Variants in PARN observed in about 807,000 individuals in gnomAD.
PARN encodes the protein poly(A)-specific ribonuclease.
Under a neutral mutation model 102.8 loss-of-function variants are expected in PARN, and 71 were observed. That is an observed-to-expected ratio of 0.69 (90% CI 0.57 to 0.84). The LOEUF is 0.84. Among genes scored for constraint, PARN ranks in the 40% least tolerant of loss-of-function variants. The pLI, the probability that PARN is intolerant of heterozygous loss-of-function variation, is 0.00. For synonymous variants in PARN, 261 were observed against 252.9 expected (o/e 1.03, Z -0.30); for missense variants, 782 against 760.9 (o/e 1.03, Z -0.33).
chr16:14,614,696 A>C (rs922422781), intron 6 of PARN, among the ~76,000 whole-genome samples: 1 of 151,900 alleles, frequency 6.6e-6, no homozygotes, highest in Admixed American at 6.6e-5. Flanking sequence ...TAAAAATACA[A>C]AATTAGCTGG....
At chr16:14,469,275 C>T (rs965821305) in intron 22 of PARN, among the ~76,000 whole-genome samples, 1 of 151,962 alleles carries the variant, frequency 6.6e-6, no homozygotes, top group Non-Finnish European at 1.5e-5. Flanking sequence ...GAGGTTGCAG[C>T]GAGCCAAGAT....
At chr16:14,552,902 C>G (rs989243162) in intron 20 of PARN, among the ~76,000 whole-genome samples, 2 of 151,818 alleles carry the variant, frequency 1.3e-5, no homozygotes, top group South Asian at 2.1e-4. Context: ...GAGCCGAGAT[C>G]GCGCCATTGC....
chr16:14,609,097 C>T lies in PARN; in HGVS notation c.581G>A (p.Ser194Asn), dbSNP rs374622245. Reference protein sequence around the residue: ...VVEKIEDLLQSEENKNLDLEP... With the variant: ...VVEKIEDLLQNEENKNLDLEP... Reference sequence around the variant, plus strand: ...TAAATCCAAGTTCTTGTTTTCTTCACTTTGTAATAAATCCTCTATTTTCTC... The same window carrying T: ...TAAATCCAAGTTCTTGTTTTCTTCATTTTGTAATAAATCCTCTATTTTCTC... Residue 194 changes from serine to asparagine, a missense_variant, in exon 8 of 24, where the codon AGT becomes AAT. By Grantham distance (46) the Ser-to-Asn change is conservative. Transcript: ENST00000437198. 13 of 1,562,958 alleles carry T rather than the reference C, an allele frequency of 8.3e-6. No homozygotes were observed. In the East Asian group the frequency reaches 9.0e-5, roughly 11 times the overall value.
At chr16:14,463,601 C>A (rs1046278419) in intron 22 of PARN, among the ~76,000 whole-genome samples, 3 of 151,994 alleles carry the variant, frequency 2.0e-5, no homozygotes, top group African/African-American at 7.3e-5. Flanking sequence ...CCAAACAGAA[C>A]TTCTAGAAAT....
chr16:14,508,739 T>TG (rs1273860636), intron 21 of PARN, among the ~76,000 whole-genome samples: 1 of 136,050 alleles, frequency 7.4e-6, no homozygotes, highest in East Asian at 1.9e-4. Flanking sequence ...TGTGGAAACT[T>TG]GAAAAAAAAA....
At chr16:14,560,972 G>A (rs1596673373) in intron 18 of PARN, among the ~76,000 whole-genome samples, 2 of 152,180 alleles carry the variant, frequency 1.3e-5, no homozygotes, top group South Asian at 4.1e-4. Flanking sequence ...CCTAGCCAAT[G>A]TGGTGAAACC....
intron 19 of PARN, among the ~76,000 whole-genome samples, chr16:14,554,776 G>C (rs1056432993): frequency 6.6e-6 from 1 of 151,460 alleles, no homozygotes; most frequent in African/African-American, 2.4e-5. Flanking sequence ...AAAAAACGCT[G>C]CTCTGTTCAT....
chr16:14,595,287 T>C (rs898461803), intron 12 of PARN, among the ~76,000 whole-genome samples: 2 of 152,106 alleles, frequency 1.3e-5, no homozygotes, highest in African/African-American at 4.8e-5. Flanking sequence ...TAAAAATAAG[T>C]CACGTGGTAT....
chr16:14,450,553 T>C (rs985324472), intron 22 of PARN, among the ~76,000 whole-genome samples: 1 of 152,182 alleles, frequency 6.6e-6, no homozygotes, highest in Non-Finnish European at 1.5e-5. Flanking sequence ...TATACGTATA[T>C]TTATGCAGGG....
intron 21 of PARN, among the ~76,000 whole-genome samples, chr16:14,509,234 T>C (rs1965062039): frequency 6.6e-6 from 1 of 152,106 alleles, no homozygotes; most frequent in African/African-American, 2.4e-5. Flanking sequence ...TTTGTTAGAC[T>C]TACTCATCAG....
chr16:14,436,582 C>T lies in PARN; in HGVS notation c.*135G>A, dbSNP rs1194393425. The T allele has an allele frequency of 2.0e-5, 13 of 646,528 alleles. No homozygotes were observed. The East Asian group carries it at 3.6e-4, about 18-fold the overall frequency. 40.0% of individuals were successfully genotyped at this position (646,528 alleles called of 1,614,324 possible). A position where few individuals can be genotyped will look rare whatever the true frequency, so the allele number is the denominator to read the frequency against. On this transcript the variant is annotated 3_prime_UTR_variant, in exon 24 of 24. Transcript: ENST00000437198. Reference sequence around the variant, plus strand: ...ACAAAAATAAAACCTGTTTTCTCCCCCCCAGGAGACAACTTGGTTTCCAAC... The same window carrying T: ...ACAAAAATAAAACCTGTTTTCTCCCTCCCAGGAGACAACTTGGTTTCCAAC...
chr16:14,458,988 G>A (rs1464171664), intron 22 of PARN, among the ~76,000 whole-genome samples: 2 of 152,108 alleles, frequency 1.3e-5, no homozygotes, highest in Non-Finnish European at 2.9e-5. Context: ...GAGCACAGCA[G>A]TTAGGTTTGT....
intron 18 of PARN, among the ~76,000 whole-genome samples, chr16:14,565,647 G>A (rs989366604): frequency 4.6e-5 from 7 of 152,198 alleles, no homozygotes; most frequent in African/African-American, 1.7e-4. Flanking sequence ...AACATTGAGA[G>A]AAACGGAAAT....
At chr16:14,480,769 C>G (rs757029221) in intron 22 of PARN, among the ~76,000 whole-genome samples, 1 of 152,006 alleles carries the variant, frequency 6.6e-6, no homozygotes, top group African/African-American at 2.4e-5. Flanking sequence ...GGCAAAACAT[C>G]GTCTCTACTA....
intron 5 of PARN, among the ~76,000 whole-genome samples, chr16:14,622,316 T>C (rs923815771): frequency 1.3e-5 from 2 of 152,176 alleles, no homozygotes; most frequent in Non-Finnish European, 2.9e-5. Context: ...AAATCTACAA[T>C]ACAAAAAAAT....
chr16:14,452,485 G>T (rs1005477738), intron 22 of PARN, among the ~76,000 whole-genome samples: 5 of 152,150 alleles, frequency 3.3e-5, no homozygotes, highest in African/African-American at 1.2e-4. Context: ...TGATTCTCAT[G>T]CCTCAGCCTC....
intron 10 of PARN, among the ~76,000 whole-genome samples, chr16:14,604,817 T>C (rs1374960342): frequency 6.6e-6 from 1 of 152,088 alleles, no homozygotes; most frequent in African/African-American, 2.4e-5. Context: ...GGTTTCACCA[T>C]GTTGCCCAGG....
chr16:14,467,845 A>G (rs1411435207), intron 22 of PARN, among the ~76,000 whole-genome samples: 1 of 152,262 alleles, frequency 6.6e-6, no homozygotes, highest in Admixed American at 6.5e-5. Flanking sequence ...GTTAAAAGAA[A>G]GAAAACAGTC....
At chr16:14,472,019 C>A (rs1293594058) in intron 22 of PARN, among the ~76,000 whole-genome samples, 1 of 152,180 alleles carries the variant, frequency 6.6e-6, no homozygotes, top group Non-Finnish European at 1.5e-5. Context: ...TCTTGTTGAA[C>A]TATCCCCTCT....
Sources: gnomAD v4.1 joint callset for allele counts (sites outside exome capture counted in the v4.1 genomes callset) on GRCh38, gnomAD v4.1.1 for gene constraint, MANE v1.5 for transcripts, NCBI Gene and HGNC (gene_info 2026-07-23, HGNC 2026-07-21) for gene names.